Variants in CASD1 observed in about 807,000 individuals in gnomAD.
CASD1 encodes the protein CAS1 domain sialic acid O acetyltransferase 1.
In CASD1, 41 loss-of-function variants were observed where a neutral mutation model predicts 100.0. The ratio of observed to expected loss-of-function variants is 0.41; its 90% CI spans 0.32 to 0.53. The LOEUF is 0.53. Ranked by LOEUF, CASD1 falls within the 20% of genes least tolerant of loss-of-function variation. CASD1 has a pLI of 0.25. For synonymous variants in CASD1, 321 were observed against 315.6 expected (o/e 1.02, Z -0.18); for missense variants, 774 against 948.7 (o/e 0.82, Z 2.42).
At position 94,535,200 on chromosome 7, in the gene CASD1, A is replaced by G. The variant is rs542939958; in HGVS notation, c.629-109A>G. 39 of 779,636 alleles carry G rather than the reference A, an allele frequency of 5.0e-5. No homozygotes were observed. In the South Asian group the frequency reaches 5.2e-4, roughly 10 times the overall value. 48.3% of individuals were successfully genotyped at this position (779,636 alleles called of 1,614,324 possible). A position where few individuals can be genotyped will look rare whatever the true frequency, so the allele number is the denominator to read the frequency against. On this transcript the variant is annotated intron_variant, in intron 7 of 17. Transcript: ENST00000297273. Reference sequence around the variant, plus strand: ...AACTATTAGGTACCTGGTACCATCTATACTTTTAAAAATAACATATGAAAT... The same window carrying G: ...AACTATTAGGTACCTGGTACCATCTGTACTTTTAAAAATAACATATGAAAT...
At chr7:94,612,380 T>C in the CASD1 span, among the ~76,000 whole-genome samples, 6 of 152,328 alleles carry the variant, frequency 3.9e-5, no homozygotes, top group East Asian at 9.6e-4. Flanking sequence ...CAGAATATTT[T>C]TCAAATGCAT....
intron 3 of CASD1, among the ~76,000 whole-genome samples, chr7:94,519,442 G>T (rs1218400489): frequency 6.6e-6 from 1 of 152,150 alleles, no homozygotes; most frequent in Non-Finnish European, 1.5e-5. Context: ...CAGCTAAGTA[G>T]TTATTAACAT....
At chr7:94,558,248 G>A (rs1796272273), downstream of CASD1, among the ~76,000 whole-genome samples, 1 of 152,128 alleles carries the variant, frequency 6.6e-6, no homozygotes, top group Non-Finnish European at 1.5e-5. Flanking sequence ...ATTCTCGAAT[G>A]ACTTTATACT....
the CASD1 span, among the ~76,000 whole-genome samples, chr7:94,564,249 G>C: frequency 1.3e-5 from 2 of 152,206 alleles, no homozygotes; most frequent in African/African-American, 2.4e-5. Context: ...CACAACAGTT[G>C]TGGTCCAGGC....
the CASD1 span, chr7:94,594,658 A>G: frequency 1.3e-5 from 2 of 152,180 alleles, no homozygotes; most frequent in African/African-American, 4.8e-5. Context: ...CAAATGTACC[A>G]TGGTACTGTA....
chr7:94,537,010 C>G (rs1188781804), intron 8 of CASD1, among the ~76,000 whole-genome samples: 1 of 151,958 alleles, frequency 6.6e-6, no homozygotes, highest in African/African-American at 2.4e-5. Context: ...CACATTTAAA[C>G]AGTAGACTTT....
chr7:94,612,541 G>A, the CASD1 span, among the ~76,000 whole-genome samples: 5 of 151,750 alleles, frequency 3.3e-5, no homozygotes, highest in South Asian at 8.3e-4. Context: ...GATTTATTCC[G>A]CAATTATTTC....
In CASD1 at chr7:94,533,726, T is replaced by C. The variant is rs146514341; in HGVS notation, c.552T>C (p.Tyr184=). 8.9e-5 allele frequency: 143 copies of C among 1,606,978 alleles called. No homozygotes were observed. In the African/African-American group the frequency reaches 1.6e-3, roughly 18 times the overall value. Residue 184 remains tyrosine, a synonymous_variant, in exon 7 of 18, where the codon TAT becomes TAC. Transcript: ENST00000297273. The part of the protein sequence containing the change: ...HNGSSEALSQ[Y]KMNITSIAPL... ...GTAGCAGTGAAGCGCTTTCTCAATA[T>C]AAAATGAACATCACCTCCATAGCAC...
chr7:94,567,985 A>G, the CASD1 span, among the ~76,000 whole-genome samples: 35 of 152,330 alleles, frequency 2.3e-4, no homozygotes, highest in African/African-American at 6.5e-4. Flanking sequence ...CAACATGAAT[A>G]TCAACAGGTT....
chr7:94,562,660 A>G, the CASD1 span, among the ~76,000 whole-genome samples: 10 of 151,954 alleles, frequency 6.6e-5, no homozygotes, highest in African/African-American at 1.2e-4. Flanking sequence ...AAAAATTCCA[A>G]TGGTAGCTAT....
chr7:94,562,998 A>G, the CASD1 span, among the ~76,000 whole-genome samples: 1 of 152,108 alleles, frequency 6.6e-6, no homozygotes, highest in Non-Finnish European at 1.5e-5. Context: ...CACCGGAACA[A>G]CCTGATATGA....
rs1311900613 is a variant in CASD1 at position 94,547,082 on chromosome 7, A to T, written c.1634-14A>T. 6.5e-7 allele frequency: 1 copy of T among 1,533,000 alleles called. No homozygotes were observed. The highest frequency in any genetic ancestry group is 1.4e-5 in the African/African-American group (1 of 72,360). 95.0% of individuals were successfully genotyped at this position (1,533,000 alleles called of 1,614,324 possible). A position where few individuals can be genotyped will look rare whatever the true frequency, so the allele number is the denominator to read the frequency against. ...AAATTTATTTTTTAGTAAATTAAAT[A>T]TTTTCTCTCTTAGGAAATTGTTTCT... On this transcript the variant is annotated splice_polypyrimidine_tract_variant and intron_variant, in intron 12 of 17. Transcript: ENST00000297273.
At chr7:94,562,176 C>T in the CASD1 span, among the ~76,000 whole-genome samples, 6 of 152,188 alleles carry the variant, frequency 3.9e-5, no homozygotes, top group East Asian at 1.9e-4. Flanking sequence ...TTATGTTTGC[C>T]GATAAGAAGC....
intron 7 of CASD1, among the ~76,000 whole-genome samples, chr7:94,534,848 G>A (rs984765621): frequency 1.2e-4 from 18 of 152,126 alleles, no homozygotes; most frequent in African/African-American, 3.4e-4. Flanking sequence ...AGAATAGGCA[G>A]ACCTTGAGCC....
the CASD1 span, among the ~76,000 whole-genome samples, chr7:94,602,543 C>A: frequency 6.7e-6 from 1 of 150,246 alleles, no homozygotes; most frequent in Non-Finnish European, 1.5e-5. Flanking sequence ...TCTAAAAGAT[C>A]ACTAAATAAT....
chr7:94,615,678 GT>G, the CASD1 span, among the ~76,000 whole-genome samples: 7 of 152,116 alleles, frequency 4.6e-5, no homozygotes, highest in Non-Finnish European at 1.0e-4. Flanking sequence ...ACATGCTTTG[GT>G]AACCAGAGGA....
At chr7:94,587,466 C>A in the CASD1 span, 1 of 1,234,920 alleles carries the variant, frequency 8.1e-7, no homozygotes, top group Non-Finnish European at 1.0e-6. Context: ...AGGTTAATAA[C>A]GAAGAAGTTC....
chr7:94,624,070 G>A, the CASD1 span: 1 of 392,746 alleles, frequency 2.5e-6, no homozygotes, highest in Non-Finnish European at 4.5e-6. Context: ...AACACACAAA[G>A]CAAAGGCCAA....
chr7:94,537,890 A>C lies in CASD1; in HGVS notation c.1262A>C (p.Lys421Thr). 2 of 1,416,738 alleles carry C rather than the reference A, an allele frequency of 1.4e-6. No individual in the cohort carries two copies. Among genetic ancestry groups the C allele is most frequent in the Non-Finnish European group, 2.0e-6 (2 of 1,006,884 alleles). 87.8% of individuals were successfully genotyped at this position (1,416,738 alleles called of 1,614,324 possible). A position where few individuals can be genotyped will look rare whatever the true frequency, so the allele number is the denominator to read the frequency against. Residue 421 changes from lysine to threonine, a missense_variant, in exon 9 of 18, where the codon AAA (lysine) becomes ACA (threonine). Around this residue, in one of 5 missense-constraint regions of CASD1, gnomAD observed 453 missense variants for 532.6 expected, o/e 0.85. Transcript: ENST00000297273. ...GGAGTATTTTATAATGAAAATACTA[A>C]AGAGGTAAGAGTCATTTTCTTTTTA... ...VLGVFYNENTKETKVLNREQT... is the reference protein window; with the variant it reads ...VLGVFYNENTTETKVLNREQT...
Sources: allele counts gnomAD v4.1 joint callset (sites outside exome capture counted in the v4.1 genomes callset), GRCh38; gene constraint gnomAD v4.1.1; regional missense constraint gnomAD v4.1.1; transcripts MANE v1.5; gene names NCBI Gene and HGNC (gene_info 2026-07-23, HGNC 2026-07-21).